The following PSD3 variants were observed in gnomAD, a reference collection of about 807,000 sequenced individuals.
PSD3 encodes the protein pleckstrin and Sec7 domain containing 3.
PSD3 carries 49 observed loss-of-function variants against 105.5 expected under a neutral mutation model. The ratio of observed to expected loss-of-function variants is 0.46; its 90% CI spans 0.37 to 0.59. The LOEUF (loss-of-function observed/expected upper bound fraction) is 0.59, where lower values mean the gene tolerates loss of function less well. Among genes scored for constraint, PSD3 ranks in the 20% least tolerant of loss-of-function variants. The probability of loss-of-function intolerance (pLI) is 0.00; values close to 1 mark genes in which losing one functional copy is unlikely to be tolerated. For missense variants in PSD3, 1,561 were observed against 1,263.8 expected, an observed-to-expected ratio of 1.24 and a Z score of -3.57; for synonymous variants, 557 against 457.8, an observed-to-expected ratio of 1.22 and a Z score of -2.77.
In PSD3 at chr8:18,803,163, T is replaced by C. The variant is rs1281008172; in HGVS notation, c.1910+1359A>G. 1.2e-5 allele frequency: 3 copies of C among 249,754 alleles called. No homozygotes were observed. In the East Asian group the frequency reaches 4.9e-4, roughly 41 times the overall value. 15.5% of individuals were successfully genotyped at this position (249,754 alleles called of 1,614,324 possible). A position where few individuals can be genotyped will look rare whatever the true frequency, so the allele number is the denominator to read the frequency against. The stretch of plus-strand genomic sequence containing the variant: ...TTAGCCAGGTGTGGTGGTGCGTACC[T>C]GTAGTCCCAGTTATTCGGGAGGCTG... On this transcript the variant is annotated intron_variant, in intron 6 of 15. Transcript: ENST00000327040.
chr8:18,702,233 T>C (rs895896488), intron 9 of PSD3, among the ~76,000 whole-genome samples: 3 of 152,194 alleles, frequency 2.0e-5, no homozygotes, highest in African/African-American at 7.2e-5. Flanking sequence ...TGGAAATGTA[T>C]CTCTCAGATC....
At chr8:18,823,062 T>C (rs1305412758) in intron 4 of PSD3, among the ~76,000 whole-genome samples, 1 of 149,840 alleles carries the variant, frequency 6.7e-6, no homozygotes, top group African/African-American at 2.5e-5. Context: ...AATCTGGTTT[T>C]ATAAAGAAGG....
intron 10 of PSD3, among the ~76,000 whole-genome samples, chr8:18,654,473 G>T (rs767870592): frequency 1.2e-4 from 18 of 152,054 alleles, no homozygotes; most frequent in South Asian, 2.1e-4. Flanking sequence ...AACACATTTT[G>T]ACCTAATTTC....
At chr8:18,556,387 A>AAAT in intron 14 of PSD3, 35 bp from the exon 15 acceptor site, 1 of 1,590,984 alleles carries the variant, frequency 6.3e-7, no homozygotes, top group Non-Finnish European at 8.5e-7. Flanking sequence ...AGCGTTCAAA[A>AAAT]AAAAAACAAG....
At chr8:18,679,122 C>T (rs1255580440) in intron 9 of PSD3, among the ~76,000 whole-genome samples, 1 of 152,212 alleles carries the variant, frequency 6.6e-6, no homozygotes, top group Non-Finnish European at 1.5e-5. Context: ...GAATCTCCTT[C>T]CCAGGCTCTA....
chr8:18,802,366 G>A (rs772307819), intron 6 of PSD3: 40 of 385,842 alleles, frequency 1.0e-4, no homozygotes, highest in South Asian at 6.6e-4. Flanking sequence ...AACATGAGAT[G>A]GGAAGGAAAA....
At chr8:19,010,658 C>T (rs1345254912) in intron 1 of PSD3, among the ~76,000 whole-genome samples, 2 of 152,038 alleles carry the variant, frequency 1.3e-5, no homozygotes, top group Non-Finnish European at 2.9e-5. Context: ...AAAAATAATG[C>T]CACCACTTAA....
chr8:18,811,356 A>C (rs1286885506), intron 4 of PSD3, among the ~76,000 whole-genome samples: 3 of 152,228 alleles, frequency 2.0e-5, no homozygotes, highest in African/African-American at 7.2e-5. Flanking sequence ...CAATGATTCA[A>C]TGAATACGTA....
At chr8:19,015,906 A>T (rs1364133581), upstream of PSD3, among the ~76,000 whole-genome samples, 1 of 152,250 alleles carries the variant, frequency 6.6e-6, no homozygotes, top group African/African-American at 2.4e-5. Flanking sequence ...AAATATTTTA[A>T]GATTGTACTT....
At chr8:18,549,507 C>T (rs912299692) in intron 15 of PSD3, among the ~76,000 whole-genome samples, 1 of 152,182 alleles carries the variant, frequency 6.6e-6, no homozygotes, top group Non-Finnish European at 1.5e-5. Flanking sequence ...CCACGCCTGG[C>T]CCTATTCTCA....
chr8:18,564,705 G>A (rs548056404), intron 14 of PSD3, among the ~76,000 whole-genome samples: 29 of 152,040 alleles, frequency 1.9e-4, no homozygotes, highest in Admixed American at 9.2e-4. Context: ...TGGGTGGGTG[G>A]GGGCGCAGTG....
intron 9 of PSD3, among the ~76,000 whole-genome samples, chr8:18,695,193 TA>T (rs1801191986): frequency 6.6e-6 from 1 of 152,186 alleles, no homozygotes; most frequent in African/African-American, 2.4e-5. Flanking sequence ...GAGCTAATGT[TA>T]CAGTAATATT....
At chr8:18,961,015 G>A (rs1426816022) in intron 1 of PSD3, among the ~76,000 whole-genome samples, 1 of 152,052 alleles carries the variant, frequency 6.6e-6, no homozygotes, top group African/African-American at 2.4e-5. Flanking sequence ...TGAACCCAGG[G>A]AGGTCGATGC....
intron 2 of PSD3, among the ~76,000 whole-genome samples, chr8:18,915,199 G>C (rs1402744985): frequency 1.3e-5 from 2 of 152,066 alleles, no homozygotes; most frequent in Admixed American, 6.6e-5. Context: ...ACCTCAAATG[G>C]ATTAAAGACT....
intron 2 of PSD3, among the ~76,000 whole-genome samples, chr8:18,906,150 A>G (rs1473023094): frequency 1.3e-5 from 2 of 152,214 alleles, no homozygotes; most frequent in African/African-American, 4.8e-5. Flanking sequence ...TGAGAAAGAC[A>G]TCCTTGAGAA....
Position 18,914,194 on chromosome 8 carries a change from A to G in PSD3, c.130+21840T>C, listed in dbSNP as rs559695491. 4.3e-3 allele frequency among the ~76,000 whole-genome samples: 432 copies of G among 100,240 alleles called. 8 individuals are homozygous for G. Among genetic ancestry groups the G allele is most frequent in the Non-Finnish European group, 1.6e-3 (78 of 49,922 alleles). The allele number at this position is 100,240 out of a possible 152,430, so 65.8% of individuals were successfully genotyped here. A position where few individuals can be genotyped will look rare whatever the true frequency, so the allele number is the denominator to read the frequency against. On this transcript the variant is annotated intron_variant, in intron 2 of 15. Coordinates refer to ENST00000327040, the MANE Select transcript of PSD3 (RefSeq NM_015310.4). ...TGAGAAAATTCAACACCCTTTCATG[A>G]TAAAGAAAAAAAAAAAAAACACCTT...
intron 11 of PSD3, among the ~76,000 whole-genome samples, chr8:18,606,626 T>G (rs1414861876): frequency 6.6e-6 from 1 of 152,094 alleles, no homozygotes; most frequent in African/African-American, 2.4e-5. Flanking sequence ...AAGAATTCAT[T>G]TGGAGCAGGA....
At chr8:18,895,039 C>T (rs1181788665) in intron 2 of PSD3, among the ~76,000 whole-genome samples, 1 of 152,174 alleles carries the variant, frequency 6.6e-6, no homozygotes, top group African/African-American at 2.4e-5. Context: ...CAGAAGGCCA[C>T]CCCACCCTTT....
intron 8 of PSD3, among the ~76,000 whole-genome samples, chr8:18,788,519 A>G (rs1046887776): frequency 1.3e-5 from 2 of 152,224 alleles, no homozygotes; most frequent in Non-Finnish European, 2.9e-5. Context: ...TCAATCAGGT[A>G]TTCACTAGGA....
Sources: gnomAD v4.1 joint callset for allele counts (sites outside exome capture counted in the v4.1 genomes callset) on GRCh38, gnomAD v4.1.1 for gene constraint, MANE v1.5 for transcripts, NCBI Gene and HGNC (gene_info 2026-07-23, HGNC 2026-07-21) for gene names.